The following TRPC1 variants were observed in gnomAD, a reference collection of about 807,000 sequenced individuals.
The protein encoded by TRPC1 is transient receptor potential cation channel subfamily C member 1.
TRPC1 carries 42 observed loss-of-function variants against 88.2 expected under a neutral mutation model. The ratio of observed to expected loss-of-function variants is 0.48; its 90% CI spans 0.37 to 0.62. TRPC1 has a LOEUF of 0.62. Ranked by LOEUF, TRPC1 falls within the 20% of genes least tolerant of loss-of-function variation. The pLI, the probability that TRPC1 is intolerant of heterozygous loss-of-function variation, is 0.00. For synonymous variants in TRPC1, 288 were observed against 331.8 expected, an observed-to-expected ratio of 0.87 and a Z score of 1.43; for missense variants, 699 against 957.3, an observed-to-expected ratio of 0.73 and a Z score of 3.56.
chr3:142,750,041 G>A (rs1245781968), intron 4 of TRPC1, among the ~76,000 whole-genome samples: 1 of 152,128 alleles, frequency 6.6e-6, no homozygotes, highest in Admixed American at 6.5e-5. Context: ...AACACCAAAA[G>A]CAATGGCAGC....
At chr3:142,739,970 T>A (rs1380026161) in intron 2 of TRPC1, among the ~76,000 whole-genome samples, 3 of 152,190 alleles carry the variant, frequency 2.0e-5, no homozygotes, top group African/African-American at 7.2e-5. Flanking sequence ...CTGCCTGAGC[T>A]CTGCCTCCTG....
chr3:142,727,928 ATAAGT>A (rs1933750120), intron 1 of TRPC1, among the ~76,000 whole-genome samples: 1 of 152,088 alleles, frequency 6.6e-6, no homozygotes, highest in Non-Finnish European at 1.5e-5. Flanking sequence ...GAAAGGGTAA[ATAAGT>A]TTATTTAGAA....
At position 142,802,160 on chromosome 3, in the gene TRPC1, A is replaced by AT. The variant is rs1419597416; in HGVS notation, c.1582-7dup. ...ATCTTAATGAACACCTGTGTAATAT[A>AT]TTCCACAGATTTCAATGGGACAGAT... On this transcript the variant is annotated splice_polypyrimidine_tract_variant and intron_variant, in intron 9 of 12. Coordinates refer to ENST00000476941, the MANE Select transcript of TRPC1 (RefSeq NM_001251845.2). 2 of 1,546,546 alleles carry AT rather than the reference A, an allele frequency of 1.3e-6. No individual in the cohort carries two copies. Among genetic ancestry groups the AT allele is most frequent in the Non-Finnish European group, 1.7e-6 (2 of 1,152,646 alleles).
chr3:142,743,677 T>C (rs913652842), intron 3 of TRPC1, 91 bp downstream of exon 3: 2 of 777,494 alleles, frequency 2.6e-6, no homozygotes, highest in Admixed American at 7.8e-5. Context: ...TCAAATTTAT[T>C]TTGTTTTTTC....
chr3:142,784,062 A>G (rs751029083), intron 6 of TRPC1, among the ~76,000 whole-genome samples: 6 of 152,116 alleles, frequency 3.9e-5, no homozygotes, highest in Non-Finnish European at 8.8e-5. Context: ...AGTGTCTTTA[A>G]TACCTTTTAA....
intron 4 of TRPC1, among the ~76,000 whole-genome samples, chr3:142,757,567 A>G (rs2108066037): frequency 6.7e-6 from 1 of 150,112 alleles, no homozygotes; most frequent in South Asian, 2.1e-4. Context: ...CAAACACCAC[A>G]TGTTCTCACT....
intron 4 of TRPC1, among the ~76,000 whole-genome samples, chr3:142,765,650 C>G (rs908858787): frequency 1.3e-5 from 2 of 152,032 alleles, no homozygotes; most frequent in Non-Finnish European, 2.9e-5. Flanking sequence ...CTACCTATCA[C>G]CATATAAAAA....
chr3:142,800,897 AG>A (rs1936598189), intron 9 of TRPC1, among the ~76,000 whole-genome samples: 1 of 150,958 alleles, frequency 6.6e-6, no homozygotes, highest in Non-Finnish European at 1.5e-5. Flanking sequence ...CCAGCCTGGG[AG>A]ATAGAGACTG....
At chr3:142,785,442 T>A (rs1288700610) in intron 7 of TRPC1, among the ~76,000 whole-genome samples, 1 of 152,182 alleles carries the variant, frequency 6.6e-6, no homozygotes, top group Non-Finnish European at 1.5e-5. Flanking sequence ...AACTATTCTA[T>A]TTCATTTATA....
intron 2 of TRPC1, among the ~76,000 whole-genome samples, chr3:142,736,908 T>C (rs984320360): frequency 3.9e-5 from 6 of 152,132 alleles, no homozygotes; most frequent in Non-Finnish European, 8.8e-5. Context: ...TAGTTTTTTT[T>C]CTGGCCCATA....
In TRPC1 at chr3:142,724,130, A is replaced by G. The variant is rs1341279142; in HGVS notation, c.-430A>G. ...GCGGTTCCCACAGCCCTGGAGCCCA[A>G]CGTGCGCAGAAGCGCCTCTTGGAGC... is the stretch of plus-strand genomic sequence containing the variant. On this transcript the variant is annotated 5_prime_UTR_variant, in exon 1 of 13. Transcript: ENST00000476941. This position sits in a 1 kb window ranked among gnomAD's most constrained non-coding sequence, Gnocchi z 5.6. The G allele has an allele frequency of 1.3e-5, 2 of 152,308 alleles. No individual in the cohort carries two copies. Among genetic ancestry groups the G allele is most frequent in the African/African-American group, 4.8e-5 (2 of 41,460 alleles). 9.4% of individuals were successfully genotyped at this position (152,308 alleles called of 1,614,324 possible).
chr3:142,744,515 T>C (rs961533733), intron 3 of TRPC1, among the ~76,000 whole-genome samples: 1 of 152,164 alleles, frequency 6.6e-6, no homozygotes, highest in Non-Finnish European at 1.5e-5. Context: ...ATAGGAAATA[T>C]AAATGATTAC....
Position 142,806,221 on chromosome 3 carries a change from T to C in TRPC1, c.2368T>C (p.Tyr790His), listed in dbSNP as rs564305474. Residue 790 changes from tyrosine (Y) to histidine (H), a missense_variant, in exon 13 of 13, where the codon TAT becomes CAT. Coordinates refer to ENST00000476941, the MANE Select transcript of TRPC1 (RefSeq NM_001251845.2). ...TCGGACTTCTAAATATGCTATGTTT[T>C]ATCCAAGAAATTAACCATTTTCTAA... ...GFRTSKYAMF[Y>H]PRN is the part of the protein sequence containing the mutation. The C allele has an allele frequency of 6.2e-7, 1 of 1,601,138 alleles. No individual in the cohort carries two copies. The highest frequency in any genetic ancestry group is 1.3e-5 in the African/African-American group (1 of 74,720).
intron 4 of TRPC1, among the ~76,000 whole-genome samples, chr3:142,755,534 A>T (rs1934931878): frequency 6.6e-6 from 1 of 152,230 alleles, no homozygotes; most frequent in Admixed American, 6.5e-5. Context: ...TTCTGCCTAT[A>T]CAGAATTCCA....
At chr3:142,772,028 C>T (rs1935594690) in intron 4 of TRPC1, among the ~76,000 whole-genome samples, 1 of 152,106 alleles carries the variant, frequency 6.6e-6, no homozygotes, top group Non-Finnish European at 1.5e-5. Context: ...ACTGAGAAGT[C>T]AGCTGTTAAT....
At position 142,724,739 on chromosome 3, in the gene TRPC1, T is replaced by TTC; in HGVS notation, c.172+9_172+10insCT. ...TGCTGGCGTGCGACAAGGGTGAGAG[T>TTC]TAGGCCCCTTTCTCCTCTGGACGCC... is the stretch of plus-strand genomic sequence containing the variant. On this transcript the variant is annotated intron_variant, in intron 1 of 12. Transcript: ENST00000476941. This position sits in a 1 kb window ranked among gnomAD's most constrained non-coding sequence, Gnocchi z 5.6. The TTC allele has an allele frequency of 6.4e-7, 1 of 1,559,376 alleles. No individual in the cohort carries two copies. Among genetic ancestry groups the TTC allele is most frequent in the Non-Finnish European group, 8.7e-7 (1 of 1,147,010 alleles).
At chr3:142,765,472 C>T (rs866504525) in intron 4 of TRPC1, among the ~76,000 whole-genome samples, 2 of 152,068 alleles carry the variant, frequency 1.3e-5, no homozygotes, top group South Asian at 4.1e-4. Flanking sequence ...CAAAAACAGA[C>T]ATATAGACCG....
At chr3:142,780,525 T>C (rs1935926746) in intron 5 of TRPC1, among the ~76,000 whole-genome samples, 1 of 152,224 alleles carries the variant, frequency 6.6e-6, no homozygotes, top group Non-Finnish European at 1.5e-5. Flanking sequence ...GAAAATGAGT[T>C]AAGCGAAGAA....
chr3:142,731,258 G>C (rs577686988), intron 1 of TRPC1, among the ~76,000 whole-genome samples: 22 of 151,800 alleles, frequency 1.4e-4, no homozygotes, highest in Admixed American at 3.3e-4. Context: ...GATGAATTCA[G>C]AATGTTAACA....
Sources: allele counts gnomAD v4.1 joint callset (sites outside exome capture counted in the v4.1 genomes callset), GRCh38; gene constraint gnomAD v4.1.1; non-coding constraint Gnocchi (gnomAD v3.1); transcripts MANE v1.5; gene names NCBI Gene and HGNC (gene_info 2026-07-23, HGNC 2026-07-21).